The following SPON1 variants were observed in gnomAD, a reference collection of about 807,000 sequenced individuals.
The protein encoded by SPON1 is spondin 1.
Under a neutral mutation model 111.7 loss-of-function variants are expected in SPON1, and 52 were observed. The ratio of observed to expected loss-of-function variants is 0.47; its 90% confidence interval spans 0.37 to 0.59. SPON1 has a LOEUF of 0.59. SPON1 is among the 20% of genes least tolerant of loss of function. SPON1 has a pLI of 0.00. For synonymous variants in SPON1, 410 were observed against 395.8 expected (o/e 1.04, Z -0.43); for missense variants, 957 against 1,068.5 (o/e 0.90, Z 1.46).
chr11:13,969,130 A>C (rs1013597895), intron 1 of SPON1, among the ~76,000 whole-genome samples: 1 of 150,396 alleles, frequency 6.6e-6, no homozygotes, highest in Admixed American at 6.8e-5. Context: ...CTGTAACCTC[A>C]ACACTTTGGG....
At chr11:14,146,241 T>G (rs886740626) in intron 6 of SPON1, among the ~76,000 whole-genome samples, 21 of 150,454 alleles carry the variant, frequency 1.4e-4, no homozygotes, top group African/African-American at 3.2e-4. Context: ...CCTCCATCTC[T>G]CAGGTTCAAG....
intron 1 of SPON1, among the ~76,000 whole-genome samples, chr11:13,974,314 T>C (rs1402515506): frequency 1.3e-5 from 2 of 152,036 alleles, no homozygotes; most frequent in African/African-American, 2.4e-5. Flanking sequence ...ACATAGCAGG[T>C]GGATGGCAGG....
intron 7 of SPON1, among the ~76,000 whole-genome samples, chr11:14,250,365 TG>T (rs1849039776): frequency 6.6e-6 from 1 of 151,464 alleles, no homozygotes; most frequent in South Asian, 2.1e-4. Context: ...ACTCTGGGTC[TG>T]TTTTTTTTTT....
intron 2 of SPON1, among the ~76,000 whole-genome samples, chr11:14,034,605 A>G (rs1848581147): frequency 6.6e-6 from 1 of 152,146 alleles, no homozygotes; most frequent in South Asian, 2.1e-4. Flanking sequence ...GCTTCTATGG[A>G]TTGGAGAACA....
intron 5 of SPON1, among the ~76,000 whole-genome samples, chr11:14,112,479 G>T (rs112474608): frequency 6.6e-5 from 10 of 152,304 alleles, no homozygotes; most frequent in African/African-American, 1.9e-4. Flanking sequence ...TCTGTGCCTT[G>T]GTTTTCTCAT....
chr11:14,073,209 C>A (rs1480464201), intron 3 of SPON1, among the ~76,000 whole-genome samples: 1 of 152,032 alleles, frequency 6.6e-6, no homozygotes, highest in African/African-American at 2.4e-5. Flanking sequence ...AAACATTGAG[C>A]CATCAGAAAG....
At chr11:14,089,258 C>T (rs1204995712) in intron 5 of SPON1, among the ~76,000 whole-genome samples, 6 of 152,140 alleles carry the variant, frequency 3.9e-5, no homozygotes, top group Non-Finnish European at 8.8e-5. Flanking sequence ...TTATCCTCAT[C>T]TTCATGGATT....
Position 14,160,537 on chromosome 11 carries a change from ATATATATATTTATATATATATT to A in SPON1, c.825+24979_825+25000del, listed in dbSNP as rs1847909278. 3.0e-4 allele frequency among the ~76,000 whole-genome samples: 8 copies of A among 26,984 alleles called. 3 individuals carry two copies. Among genetic ancestry groups the A allele is most frequent in the South Asian group, 3.6e-3 (2 of 552 alleles). The allele number at this position is 26,984 out of a possible 152,430, so 17.7% of individuals were successfully genotyped here. On this transcript the variant is annotated intron_variant, in intron 6 of 15. Coordinates refer to ENST00000576479, the MANE Select transcript of SPON1 (RefSeq NM_006108.4). Reference sequence around the variant, plus strand: ...TATATATATTTACATATATATATTTATATATATATTTATATATATATTTATATATATATTTATATATATATTT... The same window carrying A: ...TATATATATTTACATATATATATTTATATATATATATTTATATATATATTT...
At chr11:14,262,608 C>G in intron 14 of SPON1, 104 bp from the exon 15 acceptor site, 1 of 1,437,852 alleles carries the variant, frequency 7.0e-7, no homozygotes, top group South Asian at 1.3e-5. Context: ...TGACACAGCA[C>G]CTGCTTTGCA....
chr11:14,091,060 G>A (rs1554923273), intron 5 of SPON1, among the ~76,000 whole-genome samples: 2 of 151,764 alleles, frequency 1.3e-5, no homozygotes, highest in African/African-American at 2.4e-5. Context: ...CTAAACACAG[G>A]GTGCTGATTG....
At chr11:14,023,183 T>G (rs1375944108) in intron 2 of SPON1, among the ~76,000 whole-genome samples, 6 of 152,178 alleles carry the variant, frequency 3.9e-5, no homozygotes, top group Admixed American at 3.3e-4. Flanking sequence ...TTATAAAGTT[T>G]GGATTTTAAG....
intron 5 of SPON1, among the ~76,000 whole-genome samples, chr11:14,134,371 G>A (rs1554927822): frequency 6.6e-6 from 1 of 152,118 alleles, no homozygotes; most frequent in Non-Finnish European, 1.5e-5. Flanking sequence ...TCTTCCTCCA[G>A]GACTTAAATA....
chr11:14,190,796 G>A (rs772164951), intron 6 of SPON1, among the ~76,000 whole-genome samples: 4 of 151,502 alleles, frequency 2.6e-5, no homozygotes, highest in Admixed American at 6.6e-5. Flanking sequence ...GCCCGCCACC[G>A]TGCCCAGCTG....
intron 2 of SPON1, among the ~76,000 whole-genome samples, chr11:14,025,482 C>A (rs536532691): frequency 6.6e-6 from 1 of 152,296 alleles, no homozygotes; most frequent in East Asian, 1.9e-4. Context: ...TCTTAAATGT[C>A]CATCAAAATC....
rs1190013917 is a variant in SPON1, at chr11:14,161,076, TTA to T, written c.825+25514_825+25515del. On this transcript the variant is annotated intron_variant, in intron 6 of 15. Transcript: ENST00000576479. ...ATATATTTATATATATCTATAATTT[TTA>T]TATATTTATATATATCTATATATTT... 1.4e-4 allele frequency among the ~76,000 whole-genome samples: 3 copies of T among 21,518 alleles called. 1 individual carries two copies. The highest frequency in any genetic ancestry group is 2.7e-4 in the Non-Finnish European group (3 of 10,958). The allele number at this position is 21,518 out of a possible 152,430, so 14.1% of individuals were successfully genotyped here. A position where few individuals can be genotyped will look rare whatever the true frequency, so the allele number is the denominator to read the frequency against.
chr11:14,162,899 T>C (rs976502586), intron 6 of SPON1, among the ~76,000 whole-genome samples: 1 of 152,234 alleles, frequency 6.6e-6, no homozygotes. Context: ...ACAGAGGGAA[T>C]GGCAAGCATC....
intron 3 of SPON1, among the ~76,000 whole-genome samples, chr11:14,045,690 T>C (rs1489862459): frequency 2.0e-5 from 3 of 149,760 alleles, no homozygotes; most frequent in Non-Finnish European, 4.4e-5. Flanking sequence ...ACATCTTATA[T>C]ATTTACATAC....
intron 2 of SPON1, among the ~76,000 whole-genome samples, chr11:14,038,218 C>G (rs1848608625): frequency 6.6e-6 from 1 of 151,590 alleles, no homozygotes; most frequent in African/African-American, 2.4e-5. Context: ...TTAATCCTAG[C>G]ACTTTGGGAG....
intron 6 of SPON1, among the ~76,000 whole-genome samples, chr11:14,233,152 C>T (rs923665958): frequency 3.9e-5 from 6 of 152,128 alleles, no homozygotes; most frequent in South Asian, 2.1e-4. Context: ...CGTTGAGCTC[C>T]GGCCTCATAT....
Sources: allele counts gnomAD v4.1 joint callset (sites outside exome capture counted in the v4.1 genomes callset), GRCh38; gene constraint gnomAD v4.1.1; transcripts MANE v1.5; gene names NCBI Gene and HGNC (gene_info 2026-07-23, HGNC 2026-07-21).